The following CDH26 variants were observed in gnomAD, a reference collection of about 807,000 sequenced individuals.
The protein encoded by CDH26 is cadherin-like protein 26.
In CDH26, 83 loss-of-function variants were observed where a neutral mutation model predicts 90.3. The ratio of observed to expected loss-of-function variants is 0.92; its 90% CI spans 0.77 to 1.10. The LOEUF is 1.10. CDH26 is among the 50% of genes least tolerant of loss of function. The pLI, the probability that CDH26 is intolerant of heterozygous loss-of-function variation, is 0.00. For missense variants in CDH26, 1,013 were observed against 1,037.6 expected (o/e 0.98, Z 0.33); for synonymous variants, 397 against 396.3 (o/e 1.00, Z -0.02).
chr20:60,022,840 A>G (rs937874565), intron 7 of CDH26, among the ~76,000 whole-genome samples: 6 of 151,842 alleles, frequency 4.0e-5, no homozygotes, highest in African/African-American at 1.5e-4. Context: ...CAAGCATTCT[A>G]CTGCTGAAAT....
At position 60,012,721 on chromosome 20, in the gene CDH26, TC is replaced by T; in HGVS notation, c.2492del (p.Pro831LeufsTer40). ...FEEIYSESGVPS is the reference protein window; with the variant it reads ...FEEIYSESGVXS ...AGGAAATATATTCAGAGTCAGGTGTTCCTTCCTAAAAAAAAAAGTCTATTTT... is the reference window on the plus strand; with the variant it reads ...AGGAAATATATTCAGAGTCAGGTGTTCTTCCTAAAAAAAAAAGTCTATTTT... On this transcript the variant is annotated frameshift_variant, in exon 18 of 18. Coordinates refer to ENST00000348616, the MANE Select transcript of CDH26 (RefSeq NM_177980.4). LOFTEE classifies it high-confidence loss of function. 1 of 1,611,852 alleles carries T rather than the reference TC, an allele frequency of 6.2e-7. No individual in the cohort carries two copies.
chr20:60,020,855 G>C (rs1284627063), intron 7 of CDH26, among the ~76,000 whole-genome samples: 2 of 152,190 alleles, frequency 1.3e-5, no homozygotes, highest in Non-Finnish European at 2.9e-5. Flanking sequence ...TGGGAGTCTT[G>C]TATGTAAGGA....
At chr20:59,962,593 ATTAC>A (rs2061090784) in intron 1 of CDH26, among the ~76,000 whole-genome samples, 1 of 152,198 alleles carries the variant, frequency 6.6e-6, no homozygotes, top group Non-Finnish European at 1.5e-5. Context: ...TCAGTTAAGA[ATTAC>A]ATCTGCAAAT....
chr20:60,026,605 A>G (rs2061999901), intron 7 of CDH26, among the ~76,000 whole-genome samples: 1 of 152,198 alleles, frequency 6.6e-6, no homozygotes, highest in Non-Finnish European at 1.5e-5. Context: ...AGGACACAAG[A>G]ACCTCAGTCC....
intron 7 of CDH26, among the ~76,000 whole-genome samples, chr20:60,024,865 C>G (rs573873581): frequency 1.7e-3 from 263 of 152,304 alleles, no homozygotes; most frequent in African/African-American, 6.1e-3. Flanking sequence ...TAGCTGTGAC[C>G]AGGTGACTAA....
In CDH26 at chr20:59,972,115, T is replaced by C; in HGVS notation, c.385T>C (p.Ser129Pro). The change falls in exon 4 of 18, where the codon TCT becomes CCT. Residue 129 changes from serine (S) to proline (P), a missense_variant. Transcript: ENST00000348616. ...HRPVDREMTP[S>P]FTVYFDVVER... ...CCCTGTCGATCGAGAAATGACACCA[T>C]CTTTCACGGTATCTAAAACTTGATA... 1 of 1,613,654 alleles carries C rather than the reference T, an allele frequency of 6.2e-7. No individual in the cohort carries two copies. The highest frequency in any genetic ancestry group is 8.5e-7 in the Non-Finnish European group (1 of 1,179,756).
chr20:60,018,702 C>CTTTTTTTTTTTTTTTTTTTTTTTTTTTT (rs55994712), downstream of CDH26, among the ~76,000 whole-genome samples: 5 of 17,790 alleles, frequency 2.8e-4, 1 homozygote, highest in Non-Finnish European at 4.9e-4. Context: ...CTCTTACTGC[C>CTTTTTTTTTTTTTTTTTTTTTTTTTTTT]TTTTTTTTTT....
intron 7 of CDH26, among the ~76,000 whole-genome samples, chr20:60,027,852 C>A (rs1177387143): frequency 6.6e-6 from 1 of 152,048 alleles, no homozygotes; most frequent in Non-Finnish European, 1.5e-5. Flanking sequence ...ATGTGGGTGA[C>A]CTGCTACCTT....
chr20:59,977,444 T>A (rs867022374), intron 4 of CDH26, among the ~76,000 whole-genome samples: 6 of 152,256 alleles, frequency 3.9e-5, no homozygotes, highest in Middle Eastern at 3.4e-3. Flanking sequence ...CAATGAGAGA[T>A]TCAGGAGCAA....
At chr20:60,018,875 C>T (rs2061929729), downstream of CDH26, among the ~76,000 whole-genome samples, 1 of 151,354 alleles carries the variant, frequency 6.6e-6, no homozygotes, top group Admixed American at 6.6e-5. Context: ...TGTAAAACTC[C>T]CCTGAGCATT....
chr20:59,981,387 T>G (rs1219591061), intron 4 of CDH26, among the ~76,000 whole-genome samples: 1 of 152,188 alleles, frequency 6.6e-6, no homozygotes, highest in African/African-American at 2.4e-5. Context: ...TTTCATTCAA[T>G]TAGGTCTTCT....
intron 11 of CDH26, 77 bp downstream of exon 11, chr20:59,994,566 G>A (rs766727695): frequency 3.3e-5 from 51 of 1,552,392 alleles, no homozygotes; most frequent in Non-Finnish European, 4.3e-5. Context: ...GGCAAAAAAG[G>A]ACTTTATTAG....
intron 1 of CDH26, among the ~76,000 whole-genome samples, chr20:59,968,017 T>TTCTC (rs2061197356): frequency 9.1e-6 from 1 of 110,066 alleles, no homozygotes; most frequent in Non-Finnish European, 1.8e-5. Context: ...CTTTCTTCCT[T>TTCTC]TCTCTCTGTC....
At chr20:59,997,029 G>A (rs1026904545) in intron 13 of CDH26, among the ~76,000 whole-genome samples, 2 of 152,230 alleles carry the variant, frequency 1.3e-5, no homozygotes, top group Admixed American at 1.3e-4. Context: ...GTCACAGTTA[G>A]GAGTGCTACT....
At chr20:60,034,392 A>G (rs553089624), downstream of CDH26, among the ~76,000 whole-genome samples, 1 of 152,306 alleles carries the variant, frequency 6.6e-6, no homozygotes, top group Non-Finnish European at 1.5e-5. Flanking sequence ...GTAGCCAGGA[A>G]AGTTCTAAAT....
intron 17 of CDH26, among the ~76,000 whole-genome samples, chr20:60,012,039 C>A (rs2146022843): frequency 6.6e-6 from 1 of 152,192 alleles, no homozygotes; most frequent in South Asian, 2.1e-4. Context: ...GGTGGCCGCC[C>A]TTTCTTGCAG....
At chr20:60,012,304 G>A (rs868567711) in intron 17 of CDH26, among the ~76,000 whole-genome samples, 9 of 152,002 alleles carry the variant, frequency 5.9e-5, no homozygotes, top group African/African-American at 2.2e-4. Flanking sequence ...CTCCTGGGGC[G>A]GCCACCACTG....
intron 7 of CDH26, among the ~76,000 whole-genome samples, chr20:60,029,606 G>C (rs1429563425): frequency 6.6e-6 from 1 of 152,122 alleles, no homozygotes; most frequent in East Asian, 1.9e-4. Context: ...GCATGCATTA[G>C]GTATTTGTCC....
intron 17 of CDH26, among the ~76,000 whole-genome samples, chr20:60,011,557 G>C (rs1234012693): frequency 6.6e-6 from 1 of 152,334 alleles, no homozygotes; most frequent in East Asian, 1.9e-4. Context: ...AATCCTGTAG[G>C]ATTTGAAGGC....
Sources: allele counts gnomAD v4.1 joint callset (sites outside exome capture counted in the v4.1 genomes callset), GRCh38; gene constraint gnomAD v4.1.1; transcripts MANE v1.5; gene names NCBI Gene and HGNC (gene_info 2026-07-23, HGNC 2026-07-21).